The following RIC1 variants were observed in gnomAD, a reference collection of about 807,000 sequenced individuals.
RIC1 encodes the protein guanine nucleotide exchange factor subunit RIC1.
In RIC1, 88 loss-of-function variants were observed where a neutral mutation model predicts 169.0. The ratio of observed to expected loss-of-function variants is 0.52; its 90% CI spans 0.44 to 0.62. The LOEUF (loss-of-function observed/expected upper bound fraction) is 0.62. RIC1 is among the 20% of genes least tolerant of loss of function. RIC1 has a pLI of 0.00. For missense variants in RIC1, 1,877 were observed against 1,725.5 expected, an observed-to-expected ratio of 1.09 and a Z score of -1.56; for synonymous variants, 790 against 601.5, an observed-to-expected ratio of 1.31 and a Z score of -4.59.
chr9:5,777,454 G>GT (rs751261289), downstream of RIC1, among the ~76,000 whole-genome samples: 75 of 150,762 alleles, frequency 5.0e-4, 2 homozygotes, highest in Non-Finnish European at 5.5e-4. Flanking sequence ...GTCTGACTTA[G>GT]ACTGAGTGTT....
At chr9:5,676,174 C>G (rs538952181) in intron 2 of RIC1, among the ~76,000 whole-genome samples, 12 of 152,202 alleles carry the variant, frequency 7.9e-5, no homozygotes, top group African/African-American at 2.9e-4. Flanking sequence ...ACCTCAGACT[C>G]CCAAAGTGCT....
At chr9:5,677,741 T>C (rs939718942) in intron 2 of RIC1, among the ~76,000 whole-genome samples, 6 of 152,152 alleles carry the variant, frequency 3.9e-5, no homozygotes, top group Non-Finnish European at 8.8e-5. Flanking sequence ...AGAGCATAGA[T>C]ATAAGGGTTA....
intron 2 of RIC1, among the ~76,000 whole-genome samples, chr9:5,688,725 A>T (rs770060944): frequency 2.2e-4 from 34 of 152,192 alleles, no homozygotes; most frequent in Non-Finnish European, 1.5e-5. Context: ...TTTCTTGGTC[A>T]TTCCTTTGAA....
chr9:5,659,712 G>C (rs937649442), intron 2 of RIC1, among the ~76,000 whole-genome samples: 2 of 152,100 alleles, frequency 1.3e-5, no homozygotes, highest in African/African-American at 4.8e-5. Flanking sequence ...TGTTCAGTAT[G>C]CAAGTCTTTT....
chr9:5,720,095 C>A, intron 4 of RIC1, 87 bp from the exon 5 acceptor site: 1 of 962,500 alleles, frequency 1.0e-6, no homozygotes, highest in Non-Finnish European at 1.5e-6. Flanking sequence ...ATCATTTTTG[C>A]ATGAGTATTC....
chr9:5,771,668 C>CA (rs1321462396), intron 23 of RIC1, among the ~76,000 whole-genome samples: 1 of 152,182 alleles, frequency 6.6e-6, no homozygotes, highest in East Asian at 1.9e-4. Flanking sequence ...CTCCACATCT[C>CA]ACCAACACTC....
chr9:5,766,325 G>A (rs1356347420), intron 21 of RIC1, among the ~76,000 whole-genome samples: 1 of 152,168 alleles, frequency 6.6e-6, no homozygotes, highest in Non-Finnish European at 1.5e-5. Flanking sequence ...ACAAGCGTGA[G>A]CCACCCTACC....
chr9:5,756,173 T>C (rs749090696), intron 15 of RIC1, 39 bp from the exon 16 acceptor site: 20 of 1,380,716 alleles, frequency 1.4e-5, no homozygotes, highest in Admixed American at 2.2e-5. Context: ...CTAGTAGTTA[T>C]CTTGTTTTTA....
At position 5,676,935 on chromosome 9, in the gene RIC1, C is replaced by T. The variant is rs1486918814; in HGVS notation, c.253-13024C>T. On this transcript the variant is annotated intron_variant, in intron 2 of 25. Coordinates refer to ENST00000414202, the MANE Select transcript of RIC1 (RefSeq NM_020829.4). ...GTTTATCCATTCATCTGTTGATGGA[C>T]AGTTTGACTTGTTTCCCGTTTGGGG... Among the ~76,000 whole-genome samples, 4 of 152,224 alleles carry T rather than the reference C, an allele frequency of 2.6e-5. No individual in the cohort carries two copies. In the South Asian group the frequency reaches 6.2e-4, roughly 24 times the overall value.
At position 5,753,631 on chromosome 9, in the gene RIC1, T is replaced by C. The variant is rs539707126; in HGVS notation, c.1587T>C (p.Phe529=). The part of the protein sequence containing the change: ...YSLLTKKWKL[F]GNITQEQNMI... ...TACTCACCAAAAAATGGAAACTTTT[T>C]GGAAACATTACCCAGGTTAGTCTTT... The change falls in exon 14 of 26, where the codon TTT becomes TTC. Residue 529 remains phenylalanine (F), a synonymous_variant. Transcript: ENST00000414202. The C allele has an allele frequency of 6.3e-7, 1 of 1,587,732 alleles. No homozygotes were observed. Among genetic ancestry groups the C allele is most frequent in the African/African-American group, 1.3e-5 (1 of 74,198 alleles).
In RIC1 at chr9:5,720,163, T is replaced by A. The variant is rs757496392; in HGVS notation, c.441-19T>A. 21 of 1,598,898 alleles carry A rather than the reference T, an allele frequency of 1.3e-5. No individual in the cohort carries two copies. In the African/African-American group the frequency reaches 2.0e-4, roughly 15 times the overall value. ...TTTCCCAGTATGCTCTCTTAAAAAT[T>A]AATTGATTCTACCTACAGTTTGCAG... On this transcript the variant is annotated intron_variant, in intron 4 of 25. Transcript: ENST00000414202.
chr9:5,767,619 C>T lies in RIC1; in HGVS notation c.3138-1351C>T, dbSNP rs548144339. On this transcript the variant is annotated intron_variant, in intron 21 of 25. Coordinates refer to ENST00000414202, the MANE Select transcript of RIC1 (RefSeq NM_020829.4). ...TTTTGTTTTTTGAGATGGAGTTTCGCTCTTGTTGCCCAGGCTGGAGTGCAA... is the reference window on the plus strand; with the variant it reads ...TTTTGTTTTTTGAGATGGAGTTTCGTTCTTGTTGCCCAGGCTGGAGTGCAA... Among the ~76,000 whole-genome samples the T allele has an allele frequency of 9.9e-5, 15 of 152,130 alleles. No homozygotes were observed. The South Asian group carries it at 2.9e-3, about 29-fold the overall frequency.
chr9:5,769,211 G>A lies in RIC1; in HGVS notation c.3379G>A (p.Ala1127Thr), dbSNP rs141152178. The A allele has an allele frequency of 6.2e-6, 10 of 1,613,944 alleles. No homozygotes were observed. The African/African-American group carries it at 1.2e-4, about 19-fold the overall frequency. Residue 1127 changes from alanine (A) to threonine (T), a missense_variant, in exon 22 of 26, where the codon GCC (alanine) becomes ACC (threonine). By Grantham distance (58) the Ala-to-Thr change is moderately conservative. This residue lies in a region of RIC1 where 681 missense variants were observed against 582.0 expected (regional missense o/e 1.17). Coordinates refer to ENST00000414202, the MANE Select transcript of RIC1 (RefSeq NM_020829.4). ...CCTGTGGCCACTTCCAATCATCCCA[G>A]CCTCTTCTATCAGTTCTCCTTTCAA... ...DFLWPLPIIPASSISSPFKNG... is the reference protein window; with the variant it reads ...DFLWPLPIIPTSSISSPFKNG...
chr9:5,761,215 G>C (rs1276286916), intron 17 of RIC1, among the ~76,000 whole-genome samples: 1 of 145,356 alleles, frequency 6.9e-6, no homozygotes, highest in African/African-American at 2.6e-5. Flanking sequence ...CCGGGTTCAA[G>C]TGATTCTCCT....
At chr9:5,660,648 C>A (rs369091995) in intron 2 of RIC1, among the ~76,000 whole-genome samples, 273 of 151,322 alleles carry the variant, frequency 1.8e-3, no homozygotes, top group African/African-American at 6.3e-3. Flanking sequence ...ACATTTATGT[C>A]TTCTTTTGAG....
chr9:5,679,408 T>C (rs897452942), intron 2 of RIC1, among the ~76,000 whole-genome samples: 1 of 152,244 alleles, frequency 6.6e-6, no homozygotes, highest in African/African-American at 2.4e-5. Context: ...GGGATGGCAT[T>C]GAATCTATAA....
intron 8 of RIC1, among the ~76,000 whole-genome samples, chr9:5,741,583 A>G (rs1010707729): frequency 2.0e-5 from 3 of 152,036 alleles, no homozygotes; most frequent in African/African-American, 7.2e-5. Flanking sequence ...ATGTTGTTTG[A>G]TCTGTCCATC....
At chr9:5,725,239 G>A (rs1211124537) in intron 6 of RIC1, among the ~76,000 whole-genome samples, 2 of 152,178 alleles carry the variant, frequency 1.3e-5, no homozygotes, top group African/African-American at 2.4e-5. Context: ...TTCAGAGCCT[G>A]TTATTGGTCT....
intron 1 of RIC1, among the ~76,000 whole-genome samples, chr9:5,644,916 G>C (rs1818427009): frequency 6.6e-6 from 1 of 152,158 alleles, no homozygotes; most frequent in Non-Finnish European, 1.5e-5. Context: ...ACCCGTTCTA[G>C]AGGGTTTGTA....
Sources: gnomAD v4.1 joint callset for allele counts (sites outside exome capture counted in the v4.1 genomes callset) on GRCh38, gnomAD v4.1.1 for gene constraint, gnomAD v4.1.1 regional missense constraint, MANE v1.5 for transcripts, NCBI Gene and HGNC (gene_info 2026-07-23, HGNC 2026-07-21) for gene names.